PRPF4: variants seen among roughly 807,000 people sequenced by gnomAD.
The protein encoded by PRPF4 is pre-mRNA splicing tri-snRNP complex factor PRPF4, also known as U4/U6 small nuclear ribonucleoprotein Prp4.
PRPF4 carries 14 observed loss-of-function variants against 72.2 expected under a neutral mutation model. The ratio of observed to expected loss-of-function variants is 0.19; its 90% CI spans 0.13 to 0.30. The LOEUF (loss-of-function observed/expected upper bound fraction) is 0.30. PRPF4 is among the 10% of genes least tolerant of loss of function. The pLI, the probability that PRPF4 is intolerant of heterozygous loss-of-function variation, is 1.00. For synonymous variants in PRPF4, 225 were observed against 232.2 expected, an observed-to-expected ratio of 0.97 and a Z score of 0.28; for missense variants, 478 against 653.9, an observed-to-expected ratio of 0.73 and a Z score of 2.93.
intron 10 of PRPF4, among the ~76,000 whole-genome samples, chr9:113,289,661 T>C (rs1235940541): frequency 6.6e-6 from 1 of 152,224 alleles, no homozygotes. Context: ...TTATACCACC[T>C]TGTATTGAAG....
intron 3 of PRPF4, 28 bp from the exon 4 acceptor site, chr9:113,282,618 T>C: frequency 6.7e-7 from 1 of 1,484,076 alleles, no homozygotes; most frequent in Non-Finnish European, 9.3e-7. Flanking sequence ...CATGTTTAAA[T>C]TCTGATCTTT....
intron 7 of PRPF4, among the ~76,000 whole-genome samples, chr9:113,286,009 C>CT (rs1295635050): frequency 2.0e-5 from 3 of 152,204 alleles, no homozygotes; most frequent in African/African-American, 7.2e-5. Flanking sequence ...AGAATGGCTA[C>CT]TGGTGTAGTG....
Position 113,286,694 on chromosome 9 carries a change from C to A in PRPF4, c.809-11C>A. ...GGAACCTTTTAACTTGCATCTCTTA[C>A]ACTCCTTTAGGGCATAACACAAATG... On this transcript the variant is annotated splice_polypyrimidine_tract_variant and intron_variant, in intron 8 of 13. Coordinates refer to ENST00000374198, the MANE Select transcript of PRPF4 (RefSeq NM_001244926.2). The A allele has an allele frequency of 6.2e-7, 1 of 1,614,140 alleles. No individual in the cohort carries two copies. Among genetic ancestry groups the A allele is most frequent in the South Asian group, 1.1e-5 (1 of 91,070 alleles).
In PRPF4 at chr9:113,286,779, C is replaced by G. The variant is rs1405144132; in HGVS notation, c.883C>G (p.Leu295Val). 3.1e-6 allele frequency: 5 copies of G among 1,614,194 alleles called. No individual in the cohort carries two copies. The African/African-American group carries it at 6.7e-5, about 22-fold the overall frequency. ...CTCCTTGGACCCAAAAGATGTCAAC[C>G]TGGCCTCTTGTGCGGCTGATGGCTC... ...TVSLDPKDVNLASCAADGSVK... is the reference protein window; with the variant it reads ...TVSLDPKDVNVASCAADGSVK... The change falls in exon 9 of 14, where the codon CTG (leucine) becomes GTG (valine). Residue 295 changes from leucine (L) to valine (V), a missense_variant. By Grantham distance (32) the Leu-to-Val change is conservative. Coordinates refer to ENST00000374198, the MANE Select transcript of PRPF4 (RefSeq NM_001244926.2).
Position 113,291,906 on chromosome 9 carries a change from C to G in PRPF4, c.*246C>G. 1 of 362,880 alleles carries G rather than the reference C, an allele frequency of 2.8e-6. No homozygotes were observed. Among genetic ancestry groups the G allele is most frequent in the Non-Finnish European group, 5.0e-6 (1 of 199,110 alleles). 22.5% of individuals were successfully genotyped at this position (362,880 alleles called of 1,614,324 possible). On this transcript the variant is annotated 3_prime_UTR_variant, in exon 14 of 14. Transcript: ENST00000374198. ...TACGCCCTGCCACGAACTGTGTAGA[C>G]ATTGTTTTTATTAATCTTTTGTTTG...
intron 4 of PRPF4, 39 bp downstream of exon 4, chr9:113,282,772 G>A (rs1480909973): frequency 6.9e-7 from 1 of 1,447,698 alleles, no homozygotes; most frequent in Non-Finnish European, 9.6e-7. Context: ...AAACATGAAG[G>A]AAATGAGGGG....
intron 11 of PRPF4, 56 bp downstream of exon 11, chr9:113,290,644 A>G (rs1180604144): frequency 6.2e-7 from 1 of 1,613,954 alleles, no homozygotes; most frequent in East Asian, 2.2e-5. Flanking sequence ...TCTTACCTAT[A>G]CCTGCTTCCA....
At chr9:113,290,852 C>G in intron 12 of PRPF4, 45 bp downstream of exon 12, 1 of 1,611,408 alleles carries the variant, frequency 6.2e-7, no homozygotes, top group East Asian at 2.2e-5. Context: ...GGTTCTGGGT[C>G]AGTAAGTACT....
At position 113,282,636 on chromosome 9, in the gene PRPF4, T is replaced by TA; in HGVS notation, c.393-10_393-9insA. On this transcript the variant is annotated splice_polypyrimidine_tract_variant and intron_variant, in intron 3 of 13. Transcript: ENST00000374198. ...GTTTAAATTCTGATCTTTTTTTTTT[T>TA]TTTTAACAGGTTAAGAAATATCCTC... The TA allele has an allele frequency of 6.4e-7, 1 of 1,568,680 alleles. No homozygotes were observed. The highest frequency in any genetic ancestry group is 8.6e-7 in the Non-Finnish European group (1 of 1,156,516).
intron 7 of PRPF4, 95 bp downstream of exon 7, chr9:113,284,484 C>T: frequency 2.0e-6 from 2 of 1,003,648 alleles, no homozygotes; most frequent in African/African-American, 1.6e-5. Flanking sequence ...TCTACGTCCT[C>T]TTTCTCTGCT....
intron 12 of PRPF4, 45 bp from the exon 13 acceptor site, chr9:113,290,853 A>G (rs780868630): frequency 6.2e-7 from 1 of 1,612,468 alleles, no homozygotes; most frequent in Non-Finnish European, 8.5e-7. Context: ...GTTCTGGGTC[A>G]GTAAGTACTC....
Position 113,276,532 on chromosome 9 carries a change from A to T in PRPF4, c.28-16A>T. On this transcript the variant is annotated splice_polypyrimidine_tract_variant and intron_variant, in intron 1 of 13. Coordinates refer to ENST00000374198, the MANE Select transcript of PRPF4 (RefSeq NM_001244926.2). ...AAGATTAAACCTTAGTTTAATGCAG[A>T]TCTTTGATTTAGCAGGCAACCAAAA... The T allele has an allele frequency of 6.2e-7, 1 of 1,614,028 alleles. No homozygotes were observed. The highest frequency in any genetic ancestry group is 2.2e-5 in the East Asian group (1 of 44,878).
chr9:113,286,468 C>T (rs1435221352), intron 8 of PRPF4, among the ~76,000 whole-genome samples, 178 bp downstream of exon 8: 1 of 152,214 alleles, frequency 6.6e-6, no homozygotes, highest in Non-Finnish European at 1.5e-5. Flanking sequence ...CCACTTTTCT[C>T]TCATGTGCAG....
intron 12 of PRPF4, 34 bp downstream of exon 12, chr9:113,290,841 G>A (rs1832588404): frequency 6.2e-7 from 1 of 1,612,566 alleles, no homozygotes; most frequent in Non-Finnish European, 8.5e-7. Flanking sequence ...GGGCGAAAAA[G>A]GGTTCTGGGT....
chr9:113,281,314 A>G (rs909454819), intron 3 of PRPF4, among the ~76,000 whole-genome samples: 1 of 152,078 alleles, frequency 6.6e-6, no homozygotes, highest in Non-Finnish European at 1.5e-5. Context: ...CAAAGGGTAT[A>G]CTTTTTTATT....
chr9:113,285,273 C>T (rs897195764), intron 7 of PRPF4, among the ~76,000 whole-genome samples: 1 of 146,258 alleles, frequency 6.8e-6, no homozygotes, highest in Admixed American at 7.1e-5. Context: ...AAGGCCACGG[C>T]AGGAGGATCA....
chr9:113,290,907 T>G lies in PRPF4; in HGVS notation c.1263T>G (p.Ile421Met). ...TGCATCCAATCCACAGCTATCACAT[T>G]GCAACCGGCAGTGGTGACAACACCT... ...GINFSPNGYH[I>M]ATGSGDNTCK... Residue 421 changes from isoleucine (I) to methionine (M), a missense_variant, in exon 13 of 14, where the codon ATT (isoleucine) becomes ATG (methionine). By Grantham distance (10) the Ile-to-Met change is conservative (BLOSUM62 1). Transcript: ENST00000374198. 1 of 1,614,190 alleles carries G rather than the reference T, an allele frequency of 6.2e-7. No individual in the cohort carries two copies. Among genetic ancestry groups the G allele is most frequent in the Non-Finnish European group, 8.5e-7 (1 of 1,180,034 alleles).
At chr9:113,276,986 T>C (rs776214331) in intron 2 of PRPF4, among the ~76,000 whole-genome samples, 14 of 151,934 alleles carry the variant, frequency 9.2e-5, no homozygotes, top group Non-Finnish European at 1.2e-4. Flanking sequence ...GGCTAATTTT[T>C]GTATATTTAG....
intron 10 of PRPF4, among the ~76,000 whole-genome samples, chr9:113,289,539 T>G (rs1832547738): frequency 6.6e-6 from 1 of 152,224 alleles, no homozygotes; most frequent in South Asian, 2.1e-4. Context: ...TCCCGTGATT[T>G]TCATTCTTAT....
Sources: gnomAD v4.1 joint callset for allele counts (sites outside exome capture counted in the v4.1 genomes callset) on GRCh38, gnomAD v4.1.1 for gene constraint, MANE v1.5 for transcripts, NCBI Gene and HGNC (gene_info 2026-07-23, HGNC 2026-07-21) for gene names.